Variants in LHFPL3 observed in about 807,000 individuals in gnomAD.
LHFPL3 encodes the protein LHFPL tetraspan subfamily member 3 protein.
In LHFPL3, 5 loss-of-function variants were observed where a neutral mutation model predicts 19.3. The observed-to-expected ratio is 0.26, with a 90% confidence interval of 0.14 to 0.54. LHFPL3 has a LOEUF of 0.54. LHFPL3 is among the 20% of genes least tolerant of loss of function. The probability of loss-of-function intolerance (pLI) is 0.94; values close to 1 mark genes in which losing one functional copy is unlikely to be tolerated. For missense variants in LHFPL3, 249 were observed against 307.4 expected, an observed-to-expected ratio of 0.81 and a Z score of 1.42; for synonymous variants, 133 against 126.2, an observed-to-expected ratio of 1.05 and a Z score of -0.36.
chr7:104,592,594 A>C (rs534902746), intron 1 of LHFPL3, among the ~76,000 whole-genome samples: 10 of 152,226 alleles, frequency 6.6e-5, no homozygotes, highest in African/African-American at 2.4e-4. Flanking sequence ...TCAGATCTCA[A>C]ACTCTGTGCT....
At chr7:104,551,729 A>T (rs1047032802) in intron 1 of LHFPL3, among the ~76,000 whole-genome samples, 15 of 152,172 alleles carry the variant, frequency 9.9e-5, no homozygotes, top group Admixed American at 9.2e-4. Context: ...TACTTAAATT[A>T]AAGATATTGG....
chr7:104,824,638 T>A (rs1164097857), intron 2 of LHFPL3, among the ~76,000 whole-genome samples: 1 of 84,630 alleles, frequency 1.2e-5, no homozygotes, highest in African/African-American at 4.8e-5. Context: ...ATATATTATT[T>A]TATATATTAT....
chr7:104,477,408 C>T (rs564592885), intron 1 of LHFPL3, among the ~76,000 whole-genome samples: 5 of 152,266 alleles, frequency 3.3e-5, no homozygotes, highest in South Asian at 2.1e-4. Flanking sequence ...AAATGATGAG[C>T]GACTCCAATG....
intron 2 of LHFPL3, among the ~76,000 whole-genome samples, chr7:104,748,602 T>C (rs565042742): frequency 4.6e-4 from 69 of 149,466 alleles, no homozygotes; most frequent in Middle Eastern, 3.4e-3. Context: ...ATCCTTTACA[T>C]TGTCTATGAT....
chr7:104,501,658 C>T (rs1442424646), intron 1 of LHFPL3, among the ~76,000 whole-genome samples: 1 of 152,110 alleles, frequency 6.6e-6, no homozygotes, highest in Non-Finnish European at 1.5e-5. Context: ...CATAAACTAC[C>T]CTGAATTGAA....
At position 104,426,484 on chromosome 7, in the gene LHFPL3, G is replaced by A. The variant is rs573623285; in HGVS notation, c.445+97260G>A. 5.9e-5 allele frequency among the ~76,000 whole-genome samples: 9 copies of A among 152,176 alleles called. No homozygotes were observed. In the East Asian group the frequency reaches 1.5e-3, roughly 26 times the overall value. On this transcript the variant is annotated intron_variant, in intron 1 of 2. Coordinates refer to ENST00000424859, the MANE Select transcript of LHFPL3 (RefSeq NM_199000.3). ...TTGGTCAGGCTTGTCTGGAACTTCCGGCCTCAGGTGATCTGCCCACCTTGG... is the reference window on the plus strand; with the variant it reads ...TTGGTCAGGCTTGTCTGGAACTTCCAGCCTCAGGTGATCTGCCCACCTTGG...
intron 1 of LHFPL3, among the ~76,000 whole-genome samples, chr7:104,462,008 A>C (rs1792674071): frequency 6.6e-6 from 1 of 151,944 alleles, no homozygotes; most frequent in Admixed American, 6.6e-5. Flanking sequence ...TATTATTTTC[A>C]TGGCAATTGT....
chr7:104,386,320 T>C (rs1025284272), intron 1 of LHFPL3, among the ~76,000 whole-genome samples: 1 of 152,204 alleles, frequency 6.6e-6, no homozygotes, highest in Non-Finnish European at 1.5e-5. Context: ...GAGCTCATTC[T>C]GTAGGAAAAA....
At chr7:104,532,530 T>A (rs1324817982) in intron 1 of LHFPL3, among the ~76,000 whole-genome samples, 1 of 152,094 alleles carries the variant, frequency 6.6e-6, no homozygotes, top group African/African-American at 2.4e-5. Context: ...GCACATAGAC[T>A]TCTCTTTCTT....
At chr7:104,608,639 A>T (rs1269679166) in intron 1 of LHFPL3, among the ~76,000 whole-genome samples, 1 of 152,002 alleles carries the variant, frequency 6.6e-6, no homozygotes, top group African/African-American at 2.4e-5. Flanking sequence ...TAAAACTTAA[A>T]GTATAATAAT....
At position 104,549,859 on chromosome 7, in the gene LHFPL3, T is replaced by C. The variant is rs555494334; in HGVS notation, c.446-186816T>C. The stretch of plus-strand genomic sequence containing the variant: ...CAGAGATGTTAACCAATAAATATGA[T>C]ATGCTAGCTGTAATATCATAGAACT... On this transcript the variant is annotated intron_variant, in intron 1 of 2. Transcript: ENST00000424859. Among the ~76,000 whole-genome samples, 14 of 152,214 alleles carry C rather than the reference T, an allele frequency of 9.2e-5. No homozygotes were observed. The South Asian group carries it at 2.9e-3, about 32-fold the overall frequency.
In LHFPL3 at chr7:104,728,865, G is replaced by A. The variant is rs1584500486; in HGVS notation, c.446-7810G>A. Among the ~76,000 whole-genome samples the A allele has an allele frequency of 3.3e-5, 5 of 152,112 alleles. No individual in the cohort carries two copies. The East Asian group carries it at 9.6e-4, about 29-fold the overall frequency. On this transcript the variant is annotated intron_variant, in intron 1 of 2. Transcript: ENST00000424859. ...CATAGGAGATACTCAATAAGCAACT[G>A]TTGAAGCAACTGTTGAATGAATTAG... is the stretch of plus-strand genomic sequence containing the variant.
rs142544678 is a variant in LHFPL3 at position 104,545,629 on chromosome 7, A to G, written c.446-191046A>G. Among the ~76,000 whole-genome samples, 1,056 of 152,268 alleles carry G rather than the reference A, an allele frequency of 6.9e-3. 15 individuals are homozygous for G. The highest frequency in any genetic ancestry group is 0.023 in the African/African-American group (965 of 41,550). ...GCTCCAGTAGAGCACTGTGCGATCT[A>G]TCACCTCCTCTTCAATTGCTATGTG... On this transcript the variant is annotated intron_variant, in intron 1 of 2. Coordinates refer to ENST00000424859, the MANE Select transcript of LHFPL3 (RefSeq NM_199000.3).
intron 2 of LHFPL3, among the ~76,000 whole-genome samples, chr7:104,778,451 AG>A (rs1794667503): frequency 6.6e-6 from 1 of 152,204 alleles, no homozygotes; most frequent in Non-Finnish European, 1.5e-5. Flanking sequence ...CTTACCCAAG[AG>A]GCGTCCTGAG....
At chr7:104,556,233 G>T (rs1042076963) in intron 1 of LHFPL3, among the ~76,000 whole-genome samples, 1 of 152,230 alleles carries the variant, frequency 6.6e-6, no homozygotes, top group African/African-American at 2.4e-5. Context: ...TAAGGAATCT[G>T]TGGGGGAGCT....
At chr7:104,833,007 T>TATATAATAGATATATTATATATA (rs1790989561) in intron 2 of LHFPL3, among the ~76,000 whole-genome samples, 7 of 81,744 alleles carry the variant, frequency 8.6e-5, no homozygotes, top group Non-Finnish European at 1.4e-4. Flanking sequence ...ATATTATATA[T>TATATAATAGATATATTATATATA]ATATATTATA....
intron 1 of LHFPL3, among the ~76,000 whole-genome samples, chr7:104,413,162 C>G (rs890603869): frequency 2.6e-5 from 4 of 152,212 alleles, no homozygotes; most frequent in African/African-American, 9.6e-5. Flanking sequence ...CTTTTCACCA[C>G]GTGCAGGCTC....
At chr7:104,774,771 T>C (rs1186861593) in intron 2 of LHFPL3, among the ~76,000 whole-genome samples, 2 of 152,230 alleles carry the variant, frequency 1.3e-5, no homozygotes, top group Non-Finnish European at 2.9e-5. Flanking sequence ...ATCATGTTCC[T>C]TTTACAGAGT....
intron 1 of LHFPL3, among the ~76,000 whole-genome samples, chr7:104,404,998 T>G (rs1458436019): frequency 6.6e-6 from 1 of 152,216 alleles, no homozygotes; most frequent in Admixed American, 6.5e-5. Context: ...ACTGATAAGG[T>G]CCGTAAAACC....
Sources: allele counts gnomAD v4.1 joint callset (sites outside exome capture counted in the v4.1 genomes callset), GRCh38; gene constraint gnomAD v4.1.1; transcripts MANE v1.5; gene names NCBI Gene and HGNC (gene_info 2026-07-23, HGNC 2026-07-21).